PODXL2: variants seen among roughly 807,000 people sequenced by gnomAD.
PODXL2 encodes podocalyxin like 2.
PODXL2 carries 17 observed loss-of-function variants against 53.4 expected under a neutral mutation model. The ratio of observed to expected loss-of-function variants is 0.32; its 90% confidence interval spans 0.22 to 0.48. The LOEUF is 0.48. PODXL2 is among the 20% of genes least tolerant of loss of function. The probability of loss-of-function intolerance (pLI) is 0.99; values close to 1 mark genes in which losing one functional copy is unlikely to be tolerated. For missense variants in PODXL2, 673 were observed against 760.0 expected (o/e 0.89, Z 1.35); for synonymous variants, 311 against 306.7 (o/e 1.01, Z -0.15).
chr3:127,652,072 C>T (rs529331834), intron 2 of PODXL2, among the ~76,000 whole-genome samples: 7 of 152,168 alleles, frequency 4.6e-5, no homozygotes, highest in Non-Finnish European at 8.8e-5. Flanking sequence ...AAGCCAAGCC[C>T]GGGTGCTGGA....
intron 1 of PODXL2, among the ~76,000 whole-genome samples, chr3:127,631,632 G>A (rs1266689431): frequency 3.9e-5 from 6 of 152,190 alleles, no homozygotes; most frequent in Non-Finnish European, 5.9e-5. Context: ...TTTAAGTCAG[G>A]TGGGGTCTCA....
intron 2 of PODXL2, among the ~76,000 whole-genome samples, chr3:127,652,358 T>G (rs1053138921): frequency 4.6e-5 from 7 of 152,158 alleles, no homozygotes; most frequent in African/African-American, 1.7e-4. Context: ...CAGGGGGGGC[T>G]GTGACTTCAC....
At position 127,635,499 on chromosome 3, in the gene PODXL2, C is replaced by G. The variant is rs79346616; in HGVS notation, c.71-3746C>G. On this transcript the variant is annotated intron_variant, in intron 1 of 7. Transcript: ENST00000342480. ...GGAATTTAACCATTCAAACACTACT[C>G]TGATCCAAAAGGAGAACTTGATTTA... is the stretch of plus-strand genomic sequence containing the variant. 2.4e-4 allele frequency among the ~76,000 whole-genome samples: 36 copies of G among 152,320 alleles called. No homozygotes were observed. The East Asian group carries it at 6.9e-3, about 29-fold the overall frequency.
chr3:127,668,389 A>C, intron 4 of PODXL2, 52 bp from the exon 5 acceptor site: 2 of 1,418,832 alleles, frequency 1.4e-6, no homozygotes, highest in Non-Finnish European at 1.9e-6. Context: ...CAGAGGGCTC[A>C]GTAGAGCCCC....
intron 2 of PODXL2, among the ~76,000 whole-genome samples, chr3:127,646,066 A>G (rs1576429063): frequency 6.6e-6 from 1 of 152,240 alleles, no homozygotes; most frequent in East Asian, 1.9e-4. Context: ...CCAATCTCAG[A>G]TCAAGTACAA....
intron 2 of PODXL2, 100 bp from the exon 3 acceptor site, chr3:127,660,278 G>A: frequency 6.8e-7 from 1 of 1,479,714 alleles, no homozygotes; most frequent in South Asian, 1.3e-5. Context: ...CCCCTGCCCT[G>A]TCAGTGTATT....
intron 1 of PODXL2, among the ~76,000 whole-genome samples, chr3:127,635,404 G>C (rs1177159282): frequency 2.0e-5 from 3 of 152,228 alleles, no homozygotes; most frequent in African/African-American, 7.2e-5. Flanking sequence ...CTTGGATCAT[G>C]CCTAGTCCAA....
chr3:127,639,187 C>T (rs1015824903), intron 1 of PODXL2, 58 bp from the exon 2 acceptor site: 35 of 1,489,820 alleles, frequency 2.3e-5, no homozygotes, highest in Non-Finnish European at 2.9e-5. Flanking sequence ...TCTAACCTGG[C>T]ACCAGTCTTG....
In PODXL2 at chr3:127,631,472, C is replaced by G. The variant is rs573696003; in HGVS notation, c.70+2183C>G. On this transcript the variant is annotated intron_variant, in intron 1 of 7. Coordinates refer to ENST00000342480, the MANE Select transcript of PODXL2 (RefSeq NM_015720.4). ...TGCCTCCTTCTGTGTTTGTTTGGGT[C>G]AGATTTTCATTTCTTTGAGGCTGAT... 3.9e-5 allele frequency among the ~76,000 whole-genome samples: 6 copies of G among 152,286 alleles called. No individual in the cohort carries two copies. In the South Asian group the frequency reaches 1.2e-3, roughly 32 times the overall value.
At chr3:127,630,336 G>T (rs2074535619) in intron 1 of PODXL2, among the ~76,000 whole-genome samples, 1 of 152,224 alleles carries the variant, frequency 6.6e-6, no homozygotes, top group African/African-American at 2.4e-5. Context: ...GTGTGCATGT[G>T]TGCCTGTGCA....
At chr3:127,643,214 CT>C (rs906351338) in intron 2 of PODXL2, among the ~76,000 whole-genome samples, 2 of 151,502 alleles carry the variant, frequency 1.3e-5, no homozygotes, top group South Asian at 4.2e-4. Context: ...CTTAAAATTA[CT>C]TTTTTTTTCT....
rs2074854313 is a variant in PODXL2 at position 127,672,353 on chromosome 3, T to TG, written c.1692dup (p.Gln565AlafsTer?). 2 of 1,549,846 alleles carry TG rather than the reference T, an allele frequency of 1.3e-6. No individual in the cohort carries two copies. Among genetic ancestry groups the TG allele is most frequent in the Non-Finnish European group, 1.7e-6 (2 of 1,147,854 alleles). On this transcript the variant is annotated frameshift_variant, in exon 8 of 8. Transcript: ENST00000342480. LOFTEE classifies it high-confidence loss of function. Reference sequence around the variant, plus strand: ...GTGGCCAGCGACAGCCAGTCGGAGATGCAGGAGAAGCACCCCAGCCTGAAC... The same window carrying TG: ...GTGGCCAGCGACAGCCAGTCGGAGATGGCAGGAGAAGCACCCCAGCCTGAAC...
Position 127,672,635 on chromosome 3 carries a change from C to T in PODXL2, c.*155C>T. ...CTCCTTCCCGCTTCCCCCGACTTCA[C>T]ACGGCGGCTTCGGACCAACTCCCTC... On this transcript the variant is annotated 3_prime_UTR_variant, in exon 8 of 8. Transcript: ENST00000342480. The T allele has an allele frequency of 1.9e-6, 1 of 518,070 alleles. No individual in the cohort carries two copies. Among genetic ancestry groups the T allele is most frequent in the East Asian group, 3.6e-5 (1 of 28,050 alleles). The allele number at this position is 518,070 out of a possible 1,614,324, so 32.1% of individuals were successfully genotyped here.
intron 4 of PODXL2, among the ~76,000 whole-genome samples, chr3:127,667,823 C>T (rs1048564565): frequency 5.3e-5 from 8 of 152,180 alleles, no homozygotes; most frequent in Admixed American, 2.6e-4. Flanking sequence ...TGGCCTCCAC[C>T]GCCTACACAA....
intron 6 of PODXL2, 44 bp from the exon 7 acceptor site, chr3:127,671,390 A>C (rs1576437498): frequency 6.3e-7 from 1 of 1,577,918 alleles, no homozygotes. Flanking sequence ...GAGCCATGGC[A>C]CCCCAGGACC....
intron 1 of PODXL2, among the ~76,000 whole-genome samples, chr3:127,635,457 T>C (rs559932545): frequency 3.9e-5 from 6 of 152,354 alleles, no homozygotes; most frequent in African/African-American, 1.4e-4. Context: ...AATGAATGAA[T>C]GGATGGATGA....
Position 127,629,986 on chromosome 3 carries a change from G to A in PODXL2, c.70+697G>A, listed in dbSNP as rs1438340322. 6.6e-6 allele frequency among the ~76,000 whole-genome samples: 1 copy of A among 152,108 alleles called. No homozygotes were observed. The highest frequency in any genetic ancestry group is 1.5e-5 in the Non-Finnish European group (1 of 68,008). ...TGTGTGGTTTCCATTCAGCAGCCAC[G>A]CCGGGCGGCGGGCTGTGTGGGTGCG... On this transcript the variant is annotated intron_variant, in intron 1 of 7. Transcript: ENST00000342480. The surrounding 1 kb of genome is among the most constrained non-coding windows in gnomAD (Gnocchi z 6.4).
At chr3:127,645,421 C>T (rs2074646395) in intron 2 of PODXL2, among the ~76,000 whole-genome samples, 1 of 152,212 alleles carries the variant, frequency 6.6e-6, no homozygotes, top group Admixed American at 6.5e-5. Flanking sequence ...CCTTGAGTAC[C>T]TAGCTCAAGA....
At chr3:127,645,498 G>T (rs373123393) in intron 2 of PODXL2, among the ~76,000 whole-genome samples, 1 of 152,244 alleles carries the variant, frequency 6.6e-6, no homozygotes, top group Non-Finnish European at 1.5e-5. Flanking sequence ...TGGTTATGCT[G>T]GTGGTGCCCT....
Sources: gnomAD v4.1 joint callset for allele counts (sites outside exome capture counted in the v4.1 genomes callset) on GRCh38, gnomAD v4.1.1 for gene constraint, Gnocchi (gnomAD v3.1) non-coding constraint, MANE v1.5 for transcripts, NCBI Gene and HGNC (gene_info 2026-07-23, HGNC 2026-07-21) for gene names.